The following TRIM36 variants were observed in gnomAD, a reference collection of about 807,000 sequenced individuals.
TRIM36 encodes tripartite motif containing 36.
Under a neutral mutation model 72.4 loss-of-function variants are expected in TRIM36, and 42 were observed. The ratio of observed to expected loss-of-function variants is 0.58; its 90% CI spans 0.45 to 0.75. The LOEUF (loss-of-function observed/expected upper bound fraction) is 0.75, where lower values mean the gene tolerates loss of function less well. Ranked by LOEUF, TRIM36 falls within the 30% of genes least tolerant of loss-of-function variation. TRIM36 has a pLI of 0.00. For missense variants in TRIM36, 913 were observed against 857.1 expected (o/e 1.07, Z -0.81); for synonymous variants, 315 against 282.8 (o/e 1.11, Z -1.14).
chr5:115,154,196 C>A (rs192023572), intron 2 of TRIM36, among the ~76,000 whole-genome samples: 2 of 143,078 alleles, frequency 1.4e-5, no homozygotes, highest in African/African-American at 5.0e-5. Context: ...AGTGCTAAGA[C>A]GAAAGTTCAC....
chr5:115,153,394 A>C (rs1269021050), intron 2 of TRIM36, among the ~76,000 whole-genome samples: 2 of 152,246 alleles, frequency 1.3e-5, no homozygotes, highest in Non-Finnish European at 2.9e-5. Context: ...TAAAACAATT[A>C]CTAACAGACC....
chr5:115,170,063 G>T (rs556577377), upstream of TRIM36: 73 of 814,518 alleles, frequency 9.0e-5, no homozygotes, highest in African/African-American at 1.3e-3. Context: ...TAGGCTGAGC[G>T]GGACTCGGCT....
chr5:115,132,595 C>T (rs1752752996), intron 8 of TRIM36, among the ~76,000 whole-genome samples: 1 of 151,576 alleles, frequency 6.6e-6, no homozygotes, highest in African/African-American at 2.4e-5. Context: ...ACAGCCATTA[C>T]CCACGTGTGA....
chr5:115,140,194 C>A (rs562984138), intron 5 of TRIM36, among the ~76,000 whole-genome samples: 2 of 152,146 alleles, frequency 1.3e-5, no homozygotes, highest in South Asian at 4.2e-4. Flanking sequence ...ATAATTTCAA[C>A]CTATATTGGA....
intron 8 of TRIM36, among the ~76,000 whole-genome samples, chr5:115,132,637 C>T (rs376914905): frequency 6.6e-6 from 1 of 151,860 alleles, no homozygotes; most frequent in Non-Finnish European, 1.5e-5. Context: ...TGCCTCTTTT[C>T]CTGGCATGAT....
intron 2 of TRIM36, among the ~76,000 whole-genome samples, chr5:115,162,338 G>GC (rs1580697780): frequency 6.6e-6 from 1 of 152,166 alleles, no homozygotes; most frequent in African/African-American, 2.4e-5. Context: ...AAAGACAAAT[G>GC]CCATTATTAC....
intron 1 of TRIM36, among the ~76,000 whole-genome samples, chr5:115,179,688 C>G (rs1397922957): frequency 6.6e-6 from 1 of 152,262 alleles, no homozygotes; most frequent in Non-Finnish European, 1.5e-5. Flanking sequence ...TCTTCCGACG[C>G]TGGGCTCTCG....
chr5:115,125,490 T>C lies in TRIM36; in HGVS notation c.*1013A>G, dbSNP rs938914534. ...AATGCCACATAAGTGAACATTTAAATGTTACAAAAATTTATAATATATGTA... is the reference window on the plus strand; with the variant it reads ...AATGCCACATAAGTGAACATTTAAACGTTACAAAAATTTATAATATATGTA... On this transcript the variant is annotated 3_prime_UTR_variant, in exon 10 of 10. Coordinates refer to ENST00000513154, the MANE Select transcript of TRIM36 (RefSeq NM_001300759.2). 9 of 152,020 alleles carry C rather than the reference T, an allele frequency of 5.9e-5. No individual in the cohort carries two copies. Among genetic ancestry groups the C allele is most frequent in the Non-Finnish European group, 1.3e-4 (9 of 67,986 alleles). The allele number at this position is 152,020 out of a possible 1,614,324, so 9.4% of individuals were successfully genotyped here.
intron 1 of TRIM36, among the ~76,000 whole-genome samples, chr5:115,164,769 A>AAAGTC (rs1276721564): frequency 6.6e-6 from 1 of 152,192 alleles, no homozygotes; most frequent in East Asian, 1.9e-4. Context: ...ACAGTCCCCC[A>AAAGTC]AAGTCTTAAC....
intron 4 of TRIM36, among the ~76,000 whole-genome samples, chr5:115,142,361 A>C (rs1753323616): frequency 6.6e-6 from 1 of 152,200 alleles, no homozygotes; most frequent in Admixed American, 6.5e-5. Context: ...TACTAGGTGC[A>C]AAGTGGTGGT....
intron 5 of TRIM36, 145 bp downstream of exon 5, chr5:115,141,134 C>T (rs2112815661): frequency 1.7e-6 from 1 of 587,076 alleles, no homozygotes; most frequent in Non-Finnish European, 2.9e-6. Context: ...CATTTGTTTC[C>T]ATAGCCCCAG....
chr5:115,158,431 G>A (rs1164273094), intron 2 of TRIM36, among the ~76,000 whole-genome samples: 1 of 152,174 alleles, frequency 6.6e-6, no homozygotes, highest in Non-Finnish European at 1.5e-5. Context: ...AGAAAATAAA[G>A]TATTTCAAAA....
chr5:115,171,927 T>A (rs1015743128), upstream of TRIM36, among the ~76,000 whole-genome samples: 1 of 152,248 alleles, frequency 6.6e-6, no homozygotes, highest in Middle Eastern at 3.2e-3. Context: ...CTGAAACAGA[T>A]CATTTGGTGG....
intron 4 of TRIM36, among the ~76,000 whole-genome samples, chr5:115,142,866 C>T (rs1753350140): frequency 6.6e-6 from 1 of 152,208 alleles, no homozygotes; most frequent in African/African-American, 2.4e-5. Context: ...TTCTCAGGGA[C>T]TTCAAAACTG....
chr5:115,162,879 C>G (rs1354770268), intron 2 of TRIM36, among the ~76,000 whole-genome samples: 1 of 151,922 alleles, frequency 6.6e-6, no homozygotes, highest in East Asian at 1.9e-4. Context: ...GAATGTTTTC[C>G]TAGTTAGTAT....
chr5:115,173,543 T>TGC (rs1554066504), upstream of TRIM36, among the ~76,000 whole-genome samples: 2,013 of 151,936 alleles, frequency 0.013, 38 homozygotes, highest in African/African-American at 0.042. Flanking sequence ...TGTGTGTGTG[T>TGC]GCGCGCACGC....
intron 1 of TRIM36, among the ~76,000 whole-genome samples, chr5:115,179,704 C>T: frequency 6.6e-6 from 1 of 152,258 alleles, no homozygotes; most frequent in Non-Finnish European, 1.5e-5. Flanking sequence ...TCTCGCCCTT[C>T]GGCGTCCGAG....
At position 115,126,629 on chromosome 5, in the gene TRIM36, G is replaced by A. The variant is rs778054545; in HGVS notation, c.2025C>T (p.Cys675=). 1.3e-5 allele frequency: 21 copies of A among 1,614,096 alleles called. No homozygotes were observed. In the South Asian group the frequency reaches 2.3e-4, roughly 18 times the overall value. The part of the protein sequence containing the change: ...VDFYDMDQMK[C]LYERQVDCSH... ...AACAGTCCACTTGGCGTTCATAAAG[G>A]CATTTCATCTGATCCATATCATAGA... The change falls in exon 10 of 10, where the codon TGC becomes TGT. Residue 675 remains cysteine (C), a synonymous_variant. Coordinates refer to ENST00000513154, the MANE Select transcript of TRIM36 (RefSeq NM_001300759.2).
chr5:115,136,197 G>C (rs967658604), intron 7 of TRIM36, among the ~76,000 whole-genome samples: 20 of 150,648 alleles, frequency 1.3e-4, no homozygotes, highest in Non-Finnish European at 2.8e-4. Flanking sequence ...TTTTAAAATA[G>C]GGTCTTTAAA....
Sources: allele counts gnomAD v4.1 joint callset (sites outside exome capture counted in the v4.1 genomes callset), GRCh38; gene constraint gnomAD v4.1.1; transcripts MANE v1.5; gene names NCBI Gene and HGNC (gene_info 2026-07-23, HGNC 2026-07-21).